Variants in GALNT7 observed in about 807,000 individuals in gnomAD.
GALNT7 encodes polypeptide N-acetylgalactosaminyltransferase 7, also known as N-acetylgalactosaminyltransferase 7.
A neutral mutation model predicts 82.1 loss-of-function variants in GALNT7; 60 were observed. The observed-to-expected ratio is 0.73, with a 90% CI of 0.59 to 0.91. The LOEUF is 0.91. GALNT7 is among the 40% of genes least tolerant of loss of function. GALNT7 has a pLI of 0.00. For synonymous variants in GALNT7, 243 were observed against 275.1 expected, an observed-to-expected ratio of 0.88 and a Z score of 1.15; for missense variants, 660 against 804.2, an observed-to-expected ratio of 0.82 and a Z score of 2.17.
At chr4:173,192,844 A>C (rs780779545) in intron 1 of GALNT7, among the ~76,000 whole-genome samples, 1 of 152,214 alleles carries the variant, frequency 6.6e-6, no homozygotes, top group Admixed American at 6.5e-5. Flanking sequence ...ACCCTGTTCC[A>C]TGGACATAGC....
intron 2 of GALNT7, among the ~76,000 whole-genome samples, chr4:173,273,428 C>A (rs546086785): frequency 6.6e-6 from 1 of 152,174 alleles, no homozygotes; most frequent in South Asian, 2.1e-4. Flanking sequence ...CATAAGGAGG[C>A]CCCTGTTGTT....
intron 1 of GALNT7, among the ~76,000 whole-genome samples, chr4:173,235,488 A>G (rs1472546052): frequency 6.6e-6 from 1 of 152,046 alleles, no homozygotes; most frequent in Non-Finnish European, 1.5e-5. Flanking sequence ...TCACCTAAGT[A>G]ACTTCTGTTC....
In GALNT7 at chr4:173,214,661, A is replaced by G. The variant is rs552051607; in HGVS notation, c.127-33319A>G. Among the ~76,000 whole-genome samples the G allele has an allele frequency of 4.6e-5, 7 of 152,310 alleles. No individual in the cohort carries two copies. The South Asian group carries it at 8.3e-4, about 18-fold the overall frequency. On this transcript the variant is annotated intron_variant, in intron 1 of 11. Coordinates refer to ENST00000265000, the MANE Select transcript of GALNT7 (RefSeq NM_017423.3). Reference sequence around the variant, plus strand: ...AGTTCTCAATAGAGCTGTTTCAACCACTAGTCCAAATTCAACTTCTCAAGC... The same window carrying G: ...AGTTCTCAATAGAGCTGTTTCAACCGCTAGTCCAAATTCAACTTCTCAAGC...
At chr4:173,205,323 A>G (rs1181355832) in intron 1 of GALNT7, among the ~76,000 whole-genome samples, 2 of 150,188 alleles carry the variant, frequency 1.3e-5, no homozygotes, top group Non-Finnish European at 3.0e-5. Context: ...GTGTGAGTCT[A>G]CAGAGGCTGA....
chr4:173,295,336 A>G, intron 3 of GALNT7, 60 bp from the exon 4 acceptor site: 1 of 1,207,930 alleles, frequency 8.3e-7, no homozygotes, highest in Non-Finnish European at 1.2e-6. Flanking sequence ...CCTGAGAAAA[A>G]TAATAACTAA....
intron 1 of GALNT7, among the ~76,000 whole-genome samples, chr4:173,236,632 A>C (rs887967508): frequency 2.6e-5 from 4 of 152,060 alleles, no homozygotes; most frequent in Non-Finnish European, 5.9e-5. Flanking sequence ...GGCATTCTCT[A>C]AGCACTCCGT....
chr4:173,205,853 G>T (rs1299872314), intron 1 of GALNT7, among the ~76,000 whole-genome samples: 1 of 152,000 alleles, frequency 6.6e-6, no homozygotes. Context: ...GGCCAGCTTG[G>T]TAGCTTGGGT....
chr4:173,264,457 A>G (rs562190239), intron 2 of GALNT7, among the ~76,000 whole-genome samples: 2 of 152,300 alleles, frequency 1.3e-5, no homozygotes, highest in East Asian at 3.9e-4. Flanking sequence ...CTGAGCACAC[A>G]GTAGGGTTAG....
chr4:173,233,518 A>G (rs1358339539), intron 1 of GALNT7, among the ~76,000 whole-genome samples: 3 of 152,222 alleles, frequency 2.0e-5, no homozygotes, highest in Non-Finnish European at 4.4e-5. Flanking sequence ...TATCTGCAGT[A>G]TTTAACAGAG....
At position 173,323,902 on chromosome 4, in the gene GALNT7, C is replaced by A. The variant is rs1005874191; in HGVS notation, c.*2185C>A. ...TATTAGGATAAATTTGAGAAACTTA[C>A]GTATATCTTAATTCTGGGTTGCTTG... On this transcript the variant is annotated 3_prime_UTR_variant, in exon 12 of 12. Transcript: ENST00000265000. 1.3e-5 allele frequency: 2 copies of A among 152,436 alleles called. No individual in the cohort carries two copies. Among genetic ancestry groups the A allele is most frequent in the East Asian group, 1.9e-4 (1 of 5,200 alleles). 9.4% of individuals were successfully genotyped at this position (152,436 alleles called of 1,614,324 possible).
At chr4:173,306,646 T>C (rs2126856042) in intron 8 of GALNT7, among the ~76,000 whole-genome samples, 1 of 152,328 alleles carries the variant, frequency 6.6e-6, no homozygotes, top group East Asian at 1.9e-4. Context: ...TAATGTGGAG[T>C]ATCACATTTA....
At chr4:173,232,128 G>A (rs1451595840) in intron 1 of GALNT7, among the ~76,000 whole-genome samples, 1 of 152,048 alleles carries the variant, frequency 6.6e-6, no homozygotes, top group Admixed American at 6.6e-5. Context: ...CCTAGAGGCA[G>A]GACTGAAAAT....
Position 173,230,845 on chromosome 4 carries a change from G to A in GALNT7, c.127-17135G>A, listed in dbSNP as rs544284177. Among the ~76,000 whole-genome samples the A allele has an allele frequency of 3.1e-3, 470 of 152,262 alleles. 1 individual carries two copies. Among genetic ancestry groups the A allele is most frequent in the African/African-American group, 0.011 (442 of 41,558 alleles). On this transcript the variant is annotated intron_variant, in intron 1 of 11. Transcript: ENST00000265000. The stretch of plus-strand genomic sequence containing the variant: ...CCTGGGAAATATAGTAAATTATTCT[G>A]TGATAGTGTAATTATCTTCTGCTGT...
intron 2 of GALNT7, among the ~76,000 whole-genome samples, chr4:173,285,972 G>C (rs945582708): frequency 6.6e-6 from 1 of 151,774 alleles, no homozygotes; most frequent in Non-Finnish European, 1.5e-5. Flanking sequence ...TATGCATCAA[G>C]AATGATAAGA....
chr4:173,211,950 C>G, intron 1 of GALNT7, among the ~76,000 whole-genome samples: 1 of 152,312 alleles, frequency 6.6e-6, no homozygotes, highest in South Asian at 2.1e-4. Flanking sequence ...GTTAAAATTT[C>G]ATATCTTTAA....
intron 1 of GALNT7, among the ~76,000 whole-genome samples, chr4:173,240,850 C>T (rs1030205065): frequency 1.3e-5 from 2 of 152,124 alleles, no homozygotes; most frequent in African/African-American, 2.4e-5. Context: ...AAGTTTTTCA[C>T]ATTGAGATCC....
chr4:173,263,277 C>T lies in GALNT7; in HGVS notation c.587+14837C>T, dbSNP rs975877907. 3.9e-5 allele frequency among the ~76,000 whole-genome samples: 6 copies of T among 152,130 alleles called. 1 individual carries two copies. The highest frequency in any genetic ancestry group is 3.3e-4 in the Admixed American group (5 of 15,280). On this transcript the variant is annotated intron_variant, in intron 2 of 11. Transcript: ENST00000265000. ...AAAAAGTTTGTCATCAGCAGTCTTC[C>T]AGTTTGATTATTGACAAATACAGCA...
At chr4:173,170,734 C>G (rs545876284) in intron 1 of GALNT7, among the ~76,000 whole-genome samples, 1 of 152,132 alleles carries the variant, frequency 6.6e-6, no homozygotes, top group African/African-American at 2.4e-5. Context: ...TTACATGTAG[C>G]TAGAAATGTT....
intron 1 of GALNT7, among the ~76,000 whole-genome samples, chr4:173,207,441 G>A (rs1219296764): frequency 6.6e-6 from 1 of 152,058 alleles, no homozygotes; most frequent in African/African-American, 2.4e-5. Context: ...AAAATGGCTT[G>A]TTTTGTACCT....
Sources: gnomAD v4.1 joint callset for allele counts (sites outside exome capture counted in the v4.1 genomes callset) on GRCh38, gnomAD v4.1.1 for gene constraint, MANE v1.5 for transcripts, NCBI Gene and HGNC (gene_info 2026-07-23, HGNC 2026-07-21) for gene names.